The following UBAP1 variants were observed in gnomAD, a reference collection of about 807,000 sequenced individuals.
UBAP1 encodes ubiquitin-associated protein 1.
UBAP1 carries 5 observed loss-of-function variants against 39.0 expected under a neutral mutation model. The observed-to-expected ratio is 0.13, with a 90% CI of 0.07 to 0.27. The LOEUF (loss-of-function observed/expected upper bound fraction) is 0.27, where lower values mean the gene tolerates loss of function less well. UBAP1 is among the 10% of genes least tolerant of loss of function. The pLI, the probability that UBAP1 is intolerant of heterozygous loss-of-function variation, is 1.00. For synonymous variants in UBAP1, 211 were observed against 225.1 expected, an observed-to-expected ratio of 0.94 and a Z score of 0.56; for missense variants, 490 against 608.1, an observed-to-expected ratio of 0.81 and a Z score of 2.04.
At position 34,180,912 on chromosome 9, in the gene UBAP1, G is replaced by C. The variant is rs906865748; in HGVS notation, c.-8+1672G>C. Among the ~76,000 whole-genome samples the C allele has an allele frequency of 8.8e-5, 13 of 147,200 alleles. 1 individual carries two copies. In the South Asian group the frequency reaches 2.9e-3, roughly 33 times the overall value. On this transcript the variant is annotated intron_variant, in intron 1 of 6. Transcript: ENST00000297661. ...TGCAACCTCCGCCTCCTGGGTTCAA[G>C]TGACTGTCCTGCCTCAGCCTCCCGA...
intron 1 of UBAP1, among the ~76,000 whole-genome samples, chr9:34,194,603 C>T (rs908495020): frequency 1.1e-4 from 17 of 152,202 alleles, no homozygotes; most frequent in South Asian, 2.1e-4. Flanking sequence ...CGTGAGCCAC[C>T]GCACCTGACC....
chr9:34,215,549 G>A (rs1453932680), intron 1 of UBAP1, among the ~76,000 whole-genome samples: 1 of 135,586 alleles, frequency 7.4e-6, no homozygotes, highest in African/African-American at 2.7e-5. Context: ...GTTGGAGGGG[G>A]GTGAGGGATA....
intron 1 of UBAP1, among the ~76,000 whole-genome samples, chr9:34,182,762 G>A (rs1188283542): frequency 6.7e-6 from 1 of 149,820 alleles, no homozygotes; most frequent in Non-Finnish European, 1.5e-5. Context: ...CCAGGCTGGG[G>A]TACAGTGGCT....
intron 3 of UBAP1, among the ~76,000 whole-genome samples, chr9:34,239,424 A>G (rs985703427): frequency 3.9e-5 from 6 of 152,234 alleles, no homozygotes; most frequent in Non-Finnish European, 1.5e-5. Flanking sequence ...TCAGACCTAG[A>G]GCTCTAGACA....
rs1052100117 is a variant in UBAP1 at position 34,234,156 on chromosome 9, T to G, written c.35-60T>G. ...AATGCATATCCGTTAGACATAAGAT[T>G]ATGGCAAAACAAATAATGAAGTTCT... On this transcript the variant is annotated intron_variant, in intron 2 of 6. Coordinates refer to ENST00000297661, the MANE Select transcript of UBAP1 (RefSeq NM_016525.5). The G allele has an allele frequency of 2.6e-6, 4 of 1,538,972 alleles. No homozygotes were observed. In the African/African-American group the frequency reaches 5.5e-5, roughly 21 times the overall value.
intron 1 of UBAP1, among the ~76,000 whole-genome samples, chr9:34,190,927 TG>T: frequency 1.3e-5 from 2 of 151,386 alleles, no homozygotes; most frequent in Non-Finnish European, 2.9e-5. Flanking sequence ...GAATTACAGG[TG>T]TGAGTCACAG....
At chr9:34,219,625 A>G (rs1832545232) in intron 1 of UBAP1, among the ~76,000 whole-genome samples, 1 of 150,942 alleles carries the variant, frequency 6.6e-6, no homozygotes, top group Non-Finnish European at 1.5e-5. Flanking sequence ...TTGGTTCAGC[A>G]TCCCTAATCT....
intron 2 of UBAP1, chr9:34,224,646 A>G: frequency 2.9e-6 from 1 of 350,584 alleles, no homozygotes; most frequent in Non-Finnish European, 5.4e-6. Flanking sequence ...CGCTGGCTGG[A>G]AAGAGCTAGT....
intron 1 of UBAP1, among the ~76,000 whole-genome samples, chr9:34,196,244 A>G (rs1417506458): frequency 6.6e-6 from 1 of 150,878 alleles, no homozygotes; most frequent in Non-Finnish European, 1.5e-5. Flanking sequence ...GCTGAAGTTT[A>G]TCCTCCTACC....
Position 34,221,789 on chromosome 9 carries a change from CAAAATGGAATACAATAATA to C in UBAP1, c.34+844_34+862del, listed in dbSNP as rs545025231. On this transcript the variant is annotated intron_variant, in intron 2 of 6. Transcript: ENST00000297661. ...CATCTTTTCCTAAGATACAACCTTCCAAAATGGAATACAATAATAAACTACTATCTGCCTTTGGAGGGGA... is the reference window on the plus strand; with the variant it reads ...CATCTTTTCCTAAGATACAACCTTCCAACTACTATCTGCCTTTGGAGGGGA... Among the ~76,000 whole-genome samples the C allele has an allele frequency of 2.5e-3, 386 of 152,166 alleles. 2 individuals carry two copies. The highest frequency in any genetic ancestry group is 4.5e-3 in the Non-Finnish European group (303 of 67,994).
At chr9:34,238,625 A>C (rs370408903) in intron 3 of UBAP1, among the ~76,000 whole-genome samples, 16 of 152,266 alleles carry the variant, frequency 1.1e-4, no homozygotes, top group East Asian at 9.6e-4. Flanking sequence ...AAGCATCTTA[A>C]GTATCTTTAA....
At chr9:34,215,993 T>G (rs1049160374) in intron 1 of UBAP1, among the ~76,000 whole-genome samples, 1 of 152,086 alleles carries the variant, frequency 6.6e-6, no homozygotes, top group African/African-American at 2.4e-5. Flanking sequence ...TGAGGCATGA[T>G]TTAAAAAATT....
At chr9:34,225,868 G>C (rs1427296886) in intron 2 of UBAP1, among the ~76,000 whole-genome samples, 4 of 151,752 alleles carry the variant, frequency 2.6e-5, no homozygotes, top group Non-Finnish European at 5.9e-5. Context: ...TATTTATCTG[G>C]AAAATGTGTT....
At chr9:34,184,523 C>T (rs1303798037) in intron 1 of UBAP1, among the ~76,000 whole-genome samples, 3 of 147,926 alleles carry the variant, frequency 2.0e-5, no homozygotes, top group Admixed American at 1.4e-4. Flanking sequence ...CCCAGCTACT[C>T]GGGAGGCTGA....
chr9:34,223,201 C>T (rs1296704275), intron 2 of UBAP1, among the ~76,000 whole-genome samples: 1 of 152,004 alleles, frequency 6.6e-6, no homozygotes, highest in Non-Finnish European at 1.5e-5. Context: ...GAGGCCGAGG[C>T]GGGCGGATCA....
chr9:34,219,080 A>G (rs1266651240), intron 1 of UBAP1, among the ~76,000 whole-genome samples: 1 of 152,178 alleles, frequency 6.6e-6, no homozygotes, highest in Non-Finnish European at 1.5e-5. Context: ...CATGCTGAAA[A>G]ATGGAAACTT....
chr9:34,239,421 T>C (rs911460699), intron 3 of UBAP1, among the ~76,000 whole-genome samples: 4 of 152,254 alleles, frequency 2.6e-5, no homozygotes, highest in African/African-American at 9.6e-5. Context: ...CAGTCAGACC[T>C]AGAGCTCTAG....
intron 1 of UBAP1, among the ~76,000 whole-genome samples, chr9:34,181,116 C>CTTTCTTTTTTTTTT (rs1193356334): frequency 8.2e-4 from 59 of 72,266 alleles, no homozygotes; most frequent in Non-Finnish European, 9.2e-4. Context: ...GGCCTGTTTT[C>CTTTCTTTTTTTTTT]TTTTTTTTTT....
chr9:34,192,597 CTT>C (rs1563888421), intron 1 of UBAP1, among the ~76,000 whole-genome samples: 1 of 148,008 alleles, frequency 6.8e-6, no homozygotes, highest in African/African-American at 2.5e-5. Context: ...GCCTTGAACT[CTT>C]TTTTTATTTT....
Sources: gnomAD v4.1 joint callset for allele counts (sites outside exome capture counted in the v4.1 genomes callset) on GRCh38, gnomAD v4.1.1 for gene constraint, MANE v1.5 for transcripts, NCBI Gene and HGNC (gene_info 2026-07-23, HGNC 2026-07-21) for gene names.